OR2L5: variants seen among roughly 807,000 people sequenced by gnomAD.
The protein encoded by OR2L5 is olfactory receptor family 2 subfamily L member 5, also known as olfactory receptor 2L5.
For synonymous variants in OR2L5, 169 were observed against 142.0 expected, an observed-to-expected ratio of 1.19 and a Z score of -1.35; for missense variants, 413 against 381.6, an observed-to-expected ratio of 1.08 and a Z score of -0.69.
chr1:248,018,708 A>G (rs887296419), intron 1 of OR2L5, among the ~76,000 whole-genome samples: 1 of 152,200 alleles, frequency 6.6e-6, no homozygotes, highest in Non-Finnish European at 1.5e-5. Context: ...GGCATTAAGG[A>G]CATTTATGTT....
At chr1:248,016,858 C>A (rs185876931) in intron 1 of OR2L5, among the ~76,000 whole-genome samples, 1 of 151,940 alleles carries the variant, frequency 6.6e-6, no homozygotes, top group East Asian at 1.9e-4. Flanking sequence ...TCACTTACAA[C>A]CCCTGAATCT....
chr1:248,019,545 A>G (rs542378572), intron 1 of OR2L5, among the ~76,000 whole-genome samples: 1 of 152,228 alleles, frequency 6.6e-6, no homozygotes, highest in African/African-American at 2.4e-5. Flanking sequence ...TAATTTTTCT[A>G]TATGGTGTAA....
In OR2L5 at chr1:248,021,969, T is replaced by A. The variant is rs189841178; in HGVS notation, c.22T>A (p.Ser8Thr). The change falls in exon 2 of 2, where the codon TCA becomes ACA. Residue 8 changes from serine (S) to threonine (T), a missense_variant. Physicochemically the swap from Ser to Thr is moderately conservative, Grantham distance 58 (BLOSUM62 1). Transcript: ENST00000355281. ...CCCCATGGAAAATTACAATCAAACG[T>A]CAACTGATTTCATCTTATTGGGGCT... is the stretch of plus-strand genomic sequence containing the variant. MENYNQT[S>T]TDFILLGLFP... 12 of 1,613,430 alleles carry A rather than the reference T, an allele frequency of 7.4e-6. No homozygotes were observed. The East Asian group carries it at 2.7e-4, about 36-fold the overall frequency.
chr1:248,022,861 A>G lies in OR2L5; in HGVS notation c.914A>G (p.Gln305Arg), dbSNP rs762902837. 1.1e-4 allele frequency: 180 copies of G among 1,609,600 alleles called. No individual in the cohort carries two copies. The Middle Eastern group carries it at 1.8e-3, about 16-fold the overall frequency. ...EVMGALTRVIQNIFSVKM is the reference protein window; with the variant it reads ...EVMGALTRVIRNIFSVKM ...ATGGGGGCCCTGACACGAGTGATTC[A>G]GAATATCTTCTCGGTGAAAATGTAG... The change falls in exon 2 of 2, where the codon CAG (glutamine) becomes CGG (arginine). Residue 305 changes from glutamine (Q) to arginine (R), a missense_variant. Transcript: ENST00000355281.
At position 248,022,280 on chromosome 1, in the gene OR2L5, G is replaced by A. The variant is rs150668862; in HGVS notation, c.333G>A (p.Ala111=). The change falls in exon 2 of 2, where the codon GCG becomes GCA. Residue 111 remains alanine (A), a synonymous_variant. Transcript: ENST00000355281. ...FFFMTFAGAE[A]LLLTSMAYDR... Reference sequence around the variant, plus strand: ...TCATGACTTTTGCAGGTGCAGAAGCGCTGCTCCTGACATCAATGGCCTATG... The same window carrying A: ...TCATGACTTTTGCAGGTGCAGAAGCACTGCTCCTGACATCAATGGCCTATG... 3.5e-4 allele frequency: 561 copies of A among 1,613,908 alleles called. No homozygotes were observed. The African/African-American group carries it at 5.0e-3, about 14-fold the overall frequency.
chr1:248,017,836 A>C (rs2103074663), intron 1 of OR2L5, among the ~76,000 whole-genome samples: 1 of 152,310 alleles, frequency 6.6e-6, no homozygotes, highest in South Asian at 2.1e-4. Flanking sequence ...ATGTCATACA[A>C]ACTTGCCTTG....
intron 1 of OR2L5, among the ~76,000 whole-genome samples, chr1:248,013,998 A>C (rs1455136620): frequency 6.6e-6 from 1 of 152,144 alleles, no homozygotes; most frequent in Non-Finnish European, 1.5e-5. Flanking sequence ...GCTAAATTAT[A>C]TTAAACTATG....
rs141972552 is a variant in OR2L5 at position 248,021,934 on chromosome 1, C to G, written c.-14C>G. 2 of 1,596,080 alleles carry G rather than the reference C, an allele frequency of 1.3e-6. No individual in the cohort carries two copies. Among genetic ancestry groups the G allele is most frequent in the Non-Finnish European group, 1.7e-6 (2 of 1,166,970 alleles). ...CCTTGTGTCTCCCTTCAGGAAGGAT[C>G]GTATGAATGCCCCATGGAAAATTAC... On this transcript the variant is annotated 5_prime_UTR_variant, in exon 2 of 2. In the 5' UTR this introduces an upstream ATG that the reference lacks. Coordinates refer to ENST00000355281, the MANE Select transcript of OR2L5 (RefSeq NM_001258284.2).
At chr1:248,018,111 C>G (rs181902391) in intron 1 of OR2L5, among the ~76,000 whole-genome samples, 55 of 150,602 alleles carry the variant, frequency 3.7e-4, no homozygotes, top group African/African-American at 1.3e-3. Flanking sequence ...GCCGAGATCA[C>G]ACCACTGCAC....
rs568103598 is a variant in OR2L5, at chr1:248,022,316, G to T, written c.369G>T (p.Val123=). The T allele has an allele frequency of 1.9e-6, 3 of 1,614,080 alleles. No homozygotes were observed. The African/African-American group carries it at 4.0e-5, about 22-fold the overall frequency. The change falls in exon 2 of 2, where the codon GTG becomes GTT. Residue 123 remains valine, a synonymous_variant. Coordinates refer to ENST00000355281, the MANE Select transcript of OR2L5 (RefSeq NM_001258284.2). ...LLTSMAYDRY[V]AICFPLHYPI... The stretch of plus-strand genomic sequence containing the variant: ...CATCAATGGCCTATGATCGTTATGT[G>T]GCCATTTGCTTTCCTCTCCACTATC...
intron 1 of OR2L5, among the ~76,000 whole-genome samples, chr1:248,016,492 T>C (rs148798234): frequency 4.5e-3 from 682 of 152,250 alleles, no homozygotes; most frequent in African/African-American, 0.015. Context: ...GTTTAAATGA[T>C]TGAATTTTAG....
chr1:248,021,188 A>G (rs993477964), intron 1 of OR2L5, among the ~76,000 whole-genome samples: 6 of 152,144 alleles, frequency 3.9e-5, no homozygotes, highest in Admixed American at 3.3e-4. Flanking sequence ...TGAAGTTGTA[A>G]GACAGATGAT....
At position 248,022,780 on chromosome 1, in the gene OR2L5, C is replaced by T. The variant is rs754570634; in HGVS notation, c.833C>T (p.Thr278Ile). ...TEDKVLAVFYTILTPMLNPII... is the reference protein window; with the variant it reads ...TEDKVLAVFYIILTPMLNPII... ...GACAAGGTTCTGGCTGTTTTCTACA[C>T]CATCCTCACCCCAATGCTCAACCCC... Residue 278 changes from threonine (T) to isoleucine (I), a missense_variant, in exon 2 of 2, where the codon ACC (threonine) becomes ATC (isoleucine). Thr to Ile is a moderately conservative substitution (Grantham distance 89). Coordinates refer to ENST00000355281, the MANE Select transcript of OR2L5 (RefSeq NM_001258284.2). 2.5e-6 allele frequency: 4 copies of T among 1,613,920 alleles called. No individual in the cohort carries two copies. Among genetic ancestry groups the T allele is most frequent in the Non-Finnish European group, 3.4e-6 (4 of 1,180,002 alleles).
At position 248,023,455 on chromosome 1, in the gene OR2L5, T is replaced by C. The variant is rs1026959562; in HGVS notation, c.*569T>C. ...TATGGAATTTACCTTCTATAGAACC[T>C]CTTAGACTACAGTTGACTTAGACTT... is the stretch of plus-strand genomic sequence containing the variant. On this transcript the variant is annotated 3_prime_UTR_variant, in exon 2 of 2. Transcript: ENST00000355281. 3 of 152,314 alleles carry C rather than the reference T, an allele frequency of 2.0e-5. No homozygotes were observed. Among genetic ancestry groups the C allele is most frequent in the African/African-American group, 7.2e-5 (3 of 41,448 alleles). 9.4% of individuals were successfully genotyped at this position (152,314 alleles called of 1,614,324 possible). A position where few individuals can be genotyped will look rare whatever the true frequency, so the allele number is the denominator to read the frequency against.
Position 248,022,292 on chromosome 1 carries a change from A to G in OR2L5, c.345A>G (p.Thr115=). 1 of 1,614,212 alleles carries G rather than the reference A, an allele frequency of 6.2e-7. No homozygotes were observed. The highest frequency in any genetic ancestry group is 8.5e-7 in the Non-Finnish European group (1 of 1,180,038). The change falls in exon 2 of 2, where the codon ACA becomes ACG. Residue 115 remains threonine (T), a synonymous_variant. Transcript: ENST00000355281. Reference sequence around the variant, plus strand: ...CAGGTGCAGAAGCGCTGCTCCTGACATCAATGGCCTATGATCGTTATGTGG... The same window carrying G: ...CAGGTGCAGAAGCGCTGCTCCTGACGTCAATGGCCTATGATCGTTATGTGG... ...TFAGAEALLL[T]SMAYDRYVAI...
chr1:248,023,593 C>A lies in OR2L5; in HGVS notation c.*707C>A, dbSNP rs1331813042. 3 of 152,180 alleles carry A rather than the reference C, an allele frequency of 2.0e-5. No homozygotes were observed. Among genetic ancestry groups the A allele is most frequent in the Non-Finnish European group, 4.4e-5 (3 of 68,042 alleles). The allele number at this position is 152,180 out of a possible 1,614,324, so 9.4% of individuals were successfully genotyped here. On this transcript the variant is annotated 3_prime_UTR_variant, in exon 2 of 2. Coordinates refer to ENST00000355281, the MANE Select transcript of OR2L5 (RefSeq NM_001258284.2). ...CTCATGCAAGACGTTCTCTTCTGAA[C>A]AATTTTTTTCTACTTACTCTTCAAA...
At position 248,022,272 on chromosome 1, in the gene OR2L5, G is replaced by A. The variant is rs752875554; in HGVS notation, c.325G>A (p.Ala109Thr). ...TTTCTTCTTCATGACTTTTGCAGGTGCAGAAGCGCTGCTCCTGACATCAAT... is the reference window on the plus strand; with the variant it reads ...TTTCTTCTTCATGACTTTTGCAGGTACAGAAGCGCTGCTCCTGACATCAAT... ...QSFFFMTFAG[A>T]EALLLTSMAY... Residue 109 changes from alanine to threonine, a missense_variant, in exon 2 of 2, where the codon GCA becomes ACA. Coordinates refer to ENST00000355281, the MANE Select transcript of OR2L5 (RefSeq NM_001258284.2). The A allele has an allele frequency of 3.1e-5, 50 of 1,614,042 alleles. No individual in the cohort carries two copies. Among genetic ancestry groups the A allele is most frequent in the Non-Finnish European group, 4.1e-5 (48 of 1,180,002 alleles).
At chr1:248,015,799 G>A (rs1366360424) in intron 1 of OR2L5, among the ~76,000 whole-genome samples, 1 of 152,070 alleles carries the variant, frequency 6.6e-6, no homozygotes, top group South Asian at 2.1e-4. Context: ...CACATTTTCT[G>A]TGCCTATGCA....
At position 248,022,627 on chromosome 1, in the gene OR2L5, T is replaced by C. The variant is rs1313657007; in HGVS notation, c.680T>C (p.Met227Thr). ...YGWVLLAVYR[M>T]HSAEGRKKAY... ...TGGGTTCTCCTTGCTGTCTACCGCA[T>C]GCACTCTGCAGAAGGGAGGAAAAAG... Residue 227 changes from methionine (M) to threonine (T), a missense_variant, in exon 2 of 2, where the codon ATG becomes ACG. Coordinates refer to ENST00000355281, the MANE Select transcript of OR2L5 (RefSeq NM_001258284.2). 1 of 1,614,174 alleles carries C rather than the reference T, an allele frequency of 6.2e-7. No individual in the cohort carries two copies. The highest frequency in any genetic ancestry group is 8.5e-7 in the Non-Finnish European group (1 of 1,180,016).
Sources: allele counts gnomAD v4.1 joint callset (sites outside exome capture counted in the v4.1 genomes callset), GRCh38; gene constraint gnomAD v4.1.1; transcripts MANE v1.5; gene names NCBI Gene and HGNC (gene_info 2026-07-23, HGNC 2026-07-21).